The following FSCN3 variants were observed in gnomAD, a reference collection of about 807,000 sequenced individuals.
The protein encoded by FSCN3 is fascin actin-bundling protein 3.
In FSCN3, 43 loss-of-function variants were observed where a neutral mutation model predicts 53.5. That is an observed-to-expected ratio of 0.80 (90% confidence interval 0.63 to 1.04). FSCN3 has a LOEUF of 1.04. Among genes scored for constraint, FSCN3 ranks in the 50% least tolerant of loss-of-function variants. The pLI is 0.00. For missense variants in FSCN3, 594 were observed against 646.5 expected (o/e 0.92, Z 0.88); for synonymous variants, 235 against 246.6 (o/e 0.95, Z 0.44).
chr7:127,598,956 T>G (rs1480506805), intron 4 of FSCN3, among the ~76,000 whole-genome samples: 1 of 145,932 alleles, frequency 6.9e-6, no homozygotes, highest in Admixed American at 6.8e-5. Flanking sequence ...CGAGACTCTA[T>G]CTCCAAAAAA....
At chr7:127,600,840 C>A (rs1404035226) in intron 6 of FSCN3, among the ~76,000 whole-genome samples, 1 of 152,178 alleles carries the variant, frequency 6.6e-6, no homozygotes, top group Non-Finnish European at 1.5e-5. Flanking sequence ...TGAATATTTT[C>A]CTCAGCCCCA....
Position 127,598,548 on chromosome 7 carries a change from G to A in FSCN3, c.1074G>A (p.Leu358=). The A allele has an allele frequency of 6.2e-7, 1 of 1,613,766 alleles. No individual in the cohort carries two copies. The highest frequency in any genetic ancestry group is 1.1e-5 in the South Asian group (1 of 91,040). The change falls in exon 4 of 7, where the codon CTG becomes CTA. Residue 358 remains leucine (L), a synonymous_variant. Transcript: ENST00000265825. ...IILQSCRGRF[L]GIAPNSLLMA... The stretch of plus-strand genomic sequence containing the variant: ...TGCAGTCCTGCAGGGGGCGCTTCCT[G>A]GGCATTGCACCCAACAGCCTGCTGA...
In FSCN3 at chr7:127,593,809, G is replaced by T; in HGVS notation, c.-45G>T. 6.4e-7 allele frequency: 1 copy of T among 1,550,890 alleles called. No homozygotes were observed. The highest frequency in any genetic ancestry group is 8.7e-7 in the Non-Finnish European group (1 of 1,146,388). On this transcript the variant is annotated 5_prime_UTR_variant, in exon 1 of 7. Coordinates refer to ENST00000265825, the MANE Select transcript of FSCN3 (RefSeq NM_020369.3). The stretch of plus-strand genomic sequence containing the variant: ...TGGCCTGTGGAACCTCACCACGGGG[G>T]GGAGGGCTGGGCCAGACGGAGACAT...
chr7:127,599,113 G>A (rs1794432758), intron 4 of FSCN3, among the ~76,000 whole-genome samples: 1 of 152,074 alleles, frequency 6.6e-6, no homozygotes, highest in Admixed American at 6.5e-5. Context: ...CTACAACTCT[G>A]CAGCCTCACA....
chr7:127,599,585 CA>C (rs1562956869), intron 5 of FSCN3, 34 bp downstream of exon 5: 1 of 1,591,958 alleles, frequency 6.3e-7, no homozygotes, highest in Non-Finnish European at 8.6e-7. Flanking sequence ...CAAGGGTTCA[CA>C]GTCTAGTCCC....
rs772545879 is a variant in FSCN3, at chr7:127,595,405, C to T, written c.243C>T (p.Thr81=). The part of the protein sequence containing the change: ...GLYLLCECDG[T]VCYGRPRTSH... The stretch of plus-strand genomic sequence containing the variant: ...ACCTGCTGTGTGAGTGTGATGGCAC[C>T]GTGTGTTATGGCCGCCCAAGGACCA... Residue 81 remains threonine, a synonymous_variant, in exon 2 of 7, where the codon ACC becomes ACT. Transcript: ENST00000265825. 9 of 1,614,152 alleles carry T rather than the reference C, an allele frequency of 5.6e-6. No individual in the cohort carries two copies. Among genetic ancestry groups the T allele is most frequent in the South Asian group, 5.5e-5 (5 of 91,082 alleles).
intron 4 of FSCN3, among the ~76,000 whole-genome samples, chr7:127,598,946 C>A (rs146436963): frequency 0.059 from 8,743 of 147,382 alleles, 741 homozygotes; most frequent in African/African-American, 0.19. Flanking sequence ...GGCGACAGAG[C>A]GAGACTCTAT....
intron 4 of FSCN3, 25 bp downstream of exon 4, chr7:127,598,619 G>A: frequency 1.3e-6 from 2 of 1,572,148 alleles, no homozygotes; most frequent in Non-Finnish European, 1.7e-6. Flanking sequence ...CTTCCTGCCA[G>A]ATGATTCCAA....
chr7:127,599,056 TC>T (rs1442802428), intron 4 of FSCN3, among the ~76,000 whole-genome samples: 11 of 152,012 alleles, frequency 7.2e-5, no homozygotes, highest in Non-Finnish European at 1.5e-5. Flanking sequence ...GCAAAGCACC[TC>T]CTTGAGCCTC....
At chr7:127,594,786 C>A in intron 1 of FSCN3, 2 of 471,442 alleles carry the variant, frequency 4.2e-6, no homozygotes, top group Non-Finnish European at 8.8e-6. Context: ...CAAGGTTGAT[C>A]ACAGCTGAAC....
chr7:127,598,685 G>T (rs1459452531), intron 4 of FSCN3, 91 bp downstream of exon 4: 16 of 1,129,682 alleles, frequency 1.4e-5, no homozygotes, highest in Admixed American at 1.1e-4. Flanking sequence ...AGCACTGAAG[G>T]CCGGGCGTGG....
intron 3 of FSCN3, among the ~76,000 whole-genome samples, chr7:127,596,982 G>C (rs1794399459): frequency 6.6e-6 from 1 of 152,318 alleles, no homozygotes; most frequent in Non-Finnish European, 1.5e-5. Flanking sequence ...AGTATGTATG[G>C]TACATACATT....
At chr7:127,600,752 A>G (rs1794461748) in intron 6 of FSCN3, among the ~76,000 whole-genome samples, 1 of 152,100 alleles carries the variant, frequency 6.6e-6, no homozygotes, top group South Asian at 2.1e-4. Context: ...GACTTTGATC[A>G]TGTGTGTAGG....
chr7:127,599,646 A>T, intron 5 of FSCN3, 95 bp downstream of exon 5: 1 of 1,233,302 alleles, frequency 8.1e-7, no homozygotes, highest in Non-Finnish European at 1.1e-6. Flanking sequence ...GGGCTTGCTC[A>T]TTATAAAAGG....
rs180745265 is a variant in FSCN3, at chr7:127,600,831, G to T, written c.*432G>T. 3.6e-3 allele frequency among the ~76,000 whole-genome samples: 551 copies of T among 152,228 alleles called. 4 individuals carry two copies. Among genetic ancestry groups the T allele is most frequent in the Admixed American group, 6.5e-3 (100 of 15,296 alleles). ...TACCTCTTGGACCCCTGGGTCTCTT[G>T]AATATTTTCCTCAGCCCCAACCCTT... is the stretch of plus-strand genomic sequence containing the variant. On this transcript the variant is annotated intron_variant, in intron 6 of 6. Transcript: ENST00000265825.
intron 3 of FSCN3, among the ~76,000 whole-genome samples, chr7:127,597,425 G>T (rs2117430183): frequency 6.6e-6 from 1 of 152,042 alleles, no homozygotes; most frequent in African/African-American, 2.4e-5. Context: ...CACTCTAGTG[G>T]GTGTGTAATT....
chr7:127,594,182 GTGTGTGTGTGTGTGT>G (rs1794343467), intron 1 of FSCN3, among the ~76,000 whole-genome samples, 185 bp downstream of exon 1: 1 of 150,106 alleles, frequency 6.7e-6, no homozygotes, highest in Admixed American at 6.6e-5. Context: ...GTGTGTGTGT[GTGTGTGTGTGTGTGT>G]ACTTGCCTGT....
Position 127,593,818 on chromosome 7 carries a change from GGGCCAGACGGAGACATCACCTGT to G in FSCN3, c.-33_-11del. On this transcript the variant is annotated 5_prime_UTR_variant, in exon 1 of 7. Coordinates refer to ENST00000265825, the MANE Select transcript of FSCN3 (RefSeq NM_020369.3). ...GAACCTCACCACGGGGGGGAGGGCTGGGCCAGACGGAGACATCACCTGTGGTGTCAGCCCCATGGATGAGACAG... is the reference window on the plus strand; with the variant it reads ...GAACCTCACCACGGGGGGGAGGGCTGGGTGTCAGCCCCATGGATGAGACAG... The G allele has an allele frequency of 6.4e-7, 1 of 1,552,762 alleles. No individual in the cohort carries two copies.
Position 127,595,634 on chromosome 7 carries a change from C to A in FSCN3, c.472C>A (p.Arg158=). The change falls in exon 2 of 7, where the codon CGG becomes AGG. Residue 158 remains arginine (R), a synonymous_variant. Transcript: ENST00000265825. The part of the protein sequence containing the change: ...LYSPIHRCYA[R]ADPTMGRIWV... The stretch of plus-strand genomic sequence containing the variant: ...CAGCCCCATCCACCGCTGCTATGCC[C>A]GGGCTGACCCCACTATGGGCCGCAT... 1.2e-6 allele frequency: 2 copies of A among 1,614,002 alleles called. No individual in the cohort carries two copies. The highest frequency in any genetic ancestry group is 2.2e-5 in the South Asian group (2 of 91,074).
Sources: allele counts gnomAD v4.1 joint callset (sites outside exome capture counted in the v4.1 genomes callset), GRCh38; gene constraint gnomAD v4.1.1; transcripts MANE v1.5; gene names NCBI Gene and HGNC (gene_info 2026-07-23, HGNC 2026-07-21).